Variants in CHRM3 observed in about 807,000 individuals in gnomAD.
CHRM3 encodes cholinergic receptor muscarinic 3, also known as muscarinic acetylcholine receptor M3.
A neutral mutation model predicts 41.8 loss-of-function variants in CHRM3; 11 were observed. The observed-to-expected ratio is 0.26, with a 90% CI of 0.17 to 0.44. CHRM3 has a LOEUF of 0.44. Ranked by LOEUF, CHRM3 falls within the 20% of genes least tolerant of loss-of-function variation. CHRM3 has a pLI of 1.00. For missense variants in CHRM3, 571 were observed against 745.4 expected, an observed-to-expected ratio of 0.77 and a Z score of 2.72; for synonymous variants, 297 against 301.4, an observed-to-expected ratio of 0.99 and a Z score of 0.15.
intron 1 of CHRM3, among the ~76,000 whole-genome samples, chr1:239,479,670 G>A (rs779932022): frequency 3.3e-5 from 5 of 152,214 alleles, no homozygotes; most frequent in Non-Finnish European, 7.3e-5. Flanking sequence ...AACCTGTGCA[G>A]CATGTTACTG....
chr1:239,809,404 G>A (rs182357795), intron 5 of CHRM3, among the ~76,000 whole-genome samples: 3 of 152,116 alleles, frequency 2.0e-5, no homozygotes, highest in African/African-American at 7.2e-5. Context: ...ATGTCTGTTC[G>A]CCCACTTCCT....
At chr1:239,418,360 T>TA (rs1661671648) in intron 1 of CHRM3, among the ~76,000 whole-genome samples, 1 of 152,306 alleles carries the variant, frequency 6.6e-6, no homozygotes, top group Admixed American at 6.5e-5. Context: ...TGTGTATCTT[T>TA]AAAAAATATT....
rs866571085 is a variant in CHRM3, at chr1:239,640,443, T to G, written c.-250+8157T>G. On this transcript the variant is annotated intron_variant, in intron 4 of 6. Transcript: ENST00000676153. Reference sequence around the variant, plus strand: ...TATTGATTATTGCCACAATTTCAGATCCTGTTATTGGTCTATTCAGAGATT... The same window carrying G: ...TATTGATTATTGCCACAATTTCAGAGCCTGTTATTGGTCTATTCAGAGATT... Among the ~76,000 whole-genome samples, 1,059 of 152,218 alleles carry G rather than the reference T, an allele frequency of 7.0e-3. 6 individuals carry two copies. Among genetic ancestry groups the G allele is most frequent in the African/African-American group, 0.019 (777 of 41,528 alleles).
chr1:239,609,358 C>A (rs2148735941), intron 3 of CHRM3, among the ~76,000 whole-genome samples: 1 of 152,272 alleles, frequency 6.6e-6, no homozygotes, highest in Admixed American at 6.5e-5. Context: ...TAGTACTACT[C>A]CATTATGCCT....
chr1:239,710,210 A>T (rs1168784750), intron 5 of CHRM3, among the ~76,000 whole-genome samples: 1 of 152,158 alleles, frequency 6.6e-6, no homozygotes, highest in Non-Finnish European at 1.5e-5. Context: ...CTATATCCAT[A>T]TTATTGAATA....
At chr1:239,843,014 T>C (rs1315926382) in intron 6 of CHRM3, among the ~76,000 whole-genome samples, 3 of 152,162 alleles carry the variant, frequency 2.0e-5, no homozygotes, top group African/African-American at 2.4e-5. Context: ...TAAACTTCAG[T>C]GGATCAGATC....
intron 2 of CHRM3, among the ~76,000 whole-genome samples, chr1:239,516,485 T>TA (rs1198414260): frequency 6.6e-6 from 1 of 152,232 alleles, no homozygotes; most frequent in African/African-American, 2.4e-5. Context: ...TTTGAGTTCC[T>TA]ATTCACATAT....
chr1:239,616,644 C>G (rs918526213), intron 3 of CHRM3, among the ~76,000 whole-genome samples: 1 of 152,054 alleles, frequency 6.6e-6, no homozygotes, highest in Non-Finnish European at 1.5e-5. Flanking sequence ...TTCCTGAGAA[C>G]AGCTGTACAA....
At chr1:239,859,249 C>T (rs1675377883) in intron 6 of CHRM3, among the ~76,000 whole-genome samples, 1 of 152,108 alleles carries the variant, frequency 6.6e-6, no homozygotes, top group African/African-American at 2.4e-5. Flanking sequence ...CTCACTAATA[C>T]TTGTTATGTT....
intron 6 of CHRM3, among the ~76,000 whole-genome samples, chr1:239,881,232 G>A (rs1572578845): frequency 3.1e-5 from 4 of 129,810 alleles, no homozygotes; most frequent in South Asian, 5.2e-4. Flanking sequence ...GCAGTGAGCC[G>A]AGATCCCGCC....
chr1:239,649,011 C>T (rs1672003644), intron 4 of CHRM3, among the ~76,000 whole-genome samples: 2 of 152,088 alleles, frequency 1.3e-5, no homozygotes, highest in African/African-American at 4.8e-5. Flanking sequence ...TACAGTGTCA[C>T]ATATAATAGT....
intron 3 of CHRM3, among the ~76,000 whole-genome samples, chr1:239,599,716 G>T (rs190932377): frequency 6.6e-6 from 1 of 152,018 alleles, no homozygotes; most frequent in African/African-American, 2.4e-5. Context: ...CCTTAAACAC[G>T]CCCAGAACAC....
intron 5 of CHRM3, among the ~76,000 whole-genome samples, chr1:239,790,958 A>G (rs1669295238): frequency 6.6e-6 from 1 of 152,118 alleles, no homozygotes; most frequent in African/African-American, 2.4e-5. Context: ...TTATTCACAG[A>G]AAAACAAGAG....
intron 5 of CHRM3, among the ~76,000 whole-genome samples, chr1:239,692,891 G>C (rs1360879036): frequency 6.6e-6 from 1 of 152,152 alleles, no homozygotes; most frequent in African/African-American, 2.4e-5. Flanking sequence ...CTAAAGAGAA[G>C]ACAGATTTTT....
intron 5 of CHRM3, among the ~76,000 whole-genome samples, chr1:239,761,052 T>C (rs1200476666): frequency 6.6e-6 from 1 of 152,102 alleles, no homozygotes; most frequent in Non-Finnish European, 1.5e-5. Flanking sequence ...CACTGCTCAC[T>C]TTTTTTTAAT....
At chr1:239,580,689 T>TATATATATATATATATATATATATA (rs10525366) in intron 3 of CHRM3, among the ~76,000 whole-genome samples, 1 of 65,152 alleles carries the variant, frequency 1.5e-5, no homozygotes, top group Non-Finnish European at 4.1e-5. Context: ...TTGCCCAATT[T>TATATATATATATATATATATATATA]TATATATATA....
chr1:239,868,311 A>T (rs1263908409), intron 6 of CHRM3, among the ~76,000 whole-genome samples: 1 of 152,084 alleles, frequency 6.6e-6, no homozygotes, highest in Non-Finnish European at 1.5e-5. Context: ...GGGCATGTTG[A>T]TTTTACAGCT....
intron 1 of CHRM3, among the ~76,000 whole-genome samples, chr1:239,471,721 A>C (rs1363680233): frequency 2.6e-5 from 4 of 152,172 alleles, no homozygotes; most frequent in African/African-American, 9.7e-5. Context: ...AGACCTAGGA[A>C]TGAAGGCTCT....
At chr1:239,539,502 G>T (rs1158916922) in intron 2 of CHRM3, among the ~76,000 whole-genome samples, 1 of 111,498 alleles carries the variant, frequency 9.0e-6, no homozygotes, top group African/African-American at 2.5e-5. Context: ...TGCTATTATG[G>T]TTCTGCTAAA....
Sources: gnomAD v4.1 joint callset for allele counts (sites outside exome capture counted in the v4.1 genomes callset) on GRCh38, gnomAD v4.1.1 for gene constraint, MANE v1.5 for transcripts, NCBI Gene and HGNC (gene_info 2026-07-23, HGNC 2026-07-21) for gene names.